Variants in FAAH2 observed in about 807,000 individuals in gnomAD.
FAAH2 encodes fatty-acid amide hydrolase 2.
A neutral mutation model predicts 36.9 loss-of-function variants in FAAH2; 60 were observed. The observed-to-expected ratio is 1.63, with a 90% CI of 1.32 to 2.02. FAAH2 has a LOEUF of 2.02. Among genes scored for constraint, FAAH2 ranks in the 30% most tolerant of loss-of-function variants. FAAH2 has a pLI of 0.00. For missense variants in FAAH2, 689 were observed against 397.5 expected, an observed-to-expected ratio of 1.73 and a Z score of -6.23; for synonymous variants, 214 against 143.8, an observed-to-expected ratio of 1.49 and a Z score of -3.49.
At chrX:57,280,213 A>C in the FAAH2 span, among the ~76,000 whole-genome samples, 167 of 111,489 alleles carry the variant, frequency 1.5e-3, no homozygotes, top group Admixed American at 2.6e-3. Context: ...ATAAAAATCT[A>C]AGCAGATCTT....
At chrX:57,289,156 C>T (rs1207650908) in intron 1 of FAAH2, among the ~76,000 whole-genome samples, 2 of 111,711 alleles carry the variant, frequency 1.8e-5, no homozygotes, top group Non-Finnish European at 3.8e-5. Flanking sequence ...AAGTTTAGAG[C>T]TTTCTAATAG....
rs1183349258 is a variant in FAAH2, at chrX:57,310,747, T to C, written c.412+18T>C. 2.8e-5 allele frequency: 33 copies of C among 1,179,682 alleles called. No homozygotes were observed. The highest frequency in any genetic ancestry group is 3.7e-5 in the Non-Finnish European group (33 of 882,329). ...GCTACAAGGTACTATTCTTTTATTT[T>C]TGGCTACATGAGTTTAATTCACAAG... is the stretch of plus-strand genomic sequence containing the variant. On this transcript the variant is annotated intron_variant, in intron 3 of 10. Coordinates refer to ENST00000374900, the MANE Select transcript of FAAH2 (RefSeq NM_174912.4).
chrX:57,142,732 G>A, the FAAH2 span, among the ~76,000 whole-genome samples: 1 of 110,987 alleles, frequency 9.0e-6, no homozygotes, highest in East Asian at 2.8e-4. Context: ...TATCGTTTTG[G>A]GATCTACCTC....
chrX:57,487,151 ACC>A (rs760410543), intron 10 of FAAH2, among the ~76,000 whole-genome samples: 271 of 111,298 alleles, frequency 2.4e-3, no homozygotes, highest in African/African-American at 8.4e-3. Flanking sequence ...TAAATAGGAG[ACC>A]TAAATGTAAA....
chrX:57,230,057 C>T, the FAAH2 span, among the ~76,000 whole-genome samples: 2 of 111,880 alleles, frequency 1.8e-5, no homozygotes, highest in Middle Eastern at 9.1e-3. Flanking sequence ...TCCCAAACTC[C>T]TATCTTTTGA....
chrX:57,287,130 G>A lies in FAAH2; in HGVS notation c.192+113G>A. 4 of 784,063 alleles carry A rather than the reference G, an allele frequency of 5.1e-6. No individual in the cohort carries two copies. The South Asian group carries it at 1.1e-4, about 21-fold the overall frequency. 64.6% of individuals were successfully genotyped at this position (784,063 alleles called of 1,213,427 possible). A position where few individuals can be genotyped will look rare whatever the true frequency, so the allele number is the denominator to read the frequency against. ...TTCCATTCTCTACTAGGGCGACTTA[G>A]GAGAGGCATTTATTGGGGATGAAGG... On this transcript the variant is annotated intron_variant, in intron 1 of 10. Transcript: ENST00000374900.
chrX:57,344,875 T>A (rs1259708370), intron 5 of FAAH2, among the ~76,000 whole-genome samples: 2 of 111,705 alleles, frequency 1.8e-5, no homozygotes, highest in Non-Finnish European at 3.8e-5. Flanking sequence ...TCTGTGTATG[T>A]GGTAAATCAC....
chrX:57,321,980 G>A (rs2053037814), intron 3 of FAAH2, among the ~76,000 whole-genome samples: 1 of 111,503 alleles, frequency 9.0e-6, no homozygotes, highest in Non-Finnish European at 1.9e-5. Flanking sequence ...ACCTGAAAAG[G>A]ATCTTATTTC....
intron 10 of FAAH2, among the ~76,000 whole-genome samples, chrX:57,485,993 T>A (rs2147291829): frequency 9.0e-6 from 1 of 111,509 alleles, no homozygotes; most frequent in East Asian, 2.8e-4. Flanking sequence ...CTGCCTATAG[T>A]TTGAGGTTGA....
rs1278838175 is a variant in FAAH2 at position 57,378,794 on chromosome X, C to A, written c.878+8C>A. On this transcript the variant is annotated splice_region_variant and intron_variant, in intron 6 of 10. Coordinates refer to ENST00000374900, the MANE Select transcript of FAAH2 (RefSeq NM_174912.4). ...AGGACCTGGGATCAAAAGGTATGTTCATTTATTTTTATTTCCTTGGACTCT... is the reference window on the plus strand; with the variant it reads ...AGGACCTGGGATCAAAAGGTATGTTAATTTATTTTTATTTCCTTGGACTCT... 3.3e-6 allele frequency: 4 copies of A among 1,196,664 alleles called. No individual in the cohort carries two copies. The highest frequency in any genetic ancestry group is 1.1e-6 in the Non-Finnish European group (1 of 887,829).
In FAAH2 at chrX:57,327,583, T is replaced by C. The variant is rs751888698; in HGVS notation, c.413-4015T>C. ...AAACTTCTCTTCTCACTTCATTTCATTCATTTGATCTTCCATCACTGGTAC... is the reference window on the plus strand; with the variant it reads ...AAACTTCTCTTCTCACTTCATTTCACTCATTTGATCTTCCATCACTGGTAC... On this transcript the variant is annotated intron_variant, in intron 3 of 10. Coordinates refer to ENST00000374900, the MANE Select transcript of FAAH2 (RefSeq NM_174912.4). 8.1e-5 allele frequency among the ~76,000 whole-genome samples: 9 copies of C among 111,520 alleles called. No individual in the cohort carries two copies. The East Asian group carries it at 2.0e-3, about 25-fold the overall frequency.
chrX:57,439,109 A>T (rs1457983900), intron 8 of FAAH2, among the ~76,000 whole-genome samples: 2 of 110,781 alleles, frequency 1.8e-5, no homozygotes, highest in African/African-American at 6.6e-5. Flanking sequence ...TCCTTTGGGT[A>T]TATACCCAGT....
chrX:57,200,464 C>T, the FAAH2 span, among the ~76,000 whole-genome samples: 10 of 108,255 alleles, frequency 9.2e-5, no homozygotes, highest in Non-Finnish European at 1.3e-4. Flanking sequence ...CTGCAATCTC[C>T]GCCACACAGG....
intron 3 of FAAH2, among the ~76,000 whole-genome samples, chrX:57,314,120 A>G (rs998941949): frequency 3.6e-5 from 4 of 111,830 alleles, no homozygotes; most frequent in Non-Finnish European, 7.5e-5. Flanking sequence ...TCTTAAACCA[A>G]CAACAATCAG....
At chrX:57,284,218 A>G (rs1009951802), upstream of FAAH2, among the ~76,000 whole-genome samples, 9 of 111,483 alleles carry the variant, frequency 8.1e-5, no homozygotes, top group Non-Finnish European at 1.5e-4. Flanking sequence ...CCCGGGAAGA[A>G]AGCCTGCAAT....
the FAAH2 span, among the ~76,000 whole-genome samples, chrX:57,174,525 C>T: frequency 9.0e-6 from 1 of 111,499 alleles, no homozygotes; most frequent in Middle Eastern, 4.7e-3. Context: ...TTTTGTTTAT[C>T]TTTTCAAAGA....
At chrX:57,452,283 TAG>T in intron 10 of FAAH2, 1 of 754,816 alleles carries the variant, frequency 1.3e-6, no homozygotes, top group Non-Finnish European at 1.6e-6. Flanking sequence ...CATCCAGCAT[TAG>T]AGTGAAACTC....
chrX:57,295,883 C>T (rs1249918701), intron 2 of FAAH2, among the ~76,000 whole-genome samples: 2 of 112,540 alleles, frequency 1.8e-5, no homozygotes, highest in Non-Finnish European at 3.8e-5. Context: ...TGAGATCAAA[C>T]TGCAAGGCAG....
the FAAH2 span, among the ~76,000 whole-genome samples, chrX:57,184,104 T>A: frequency 9.0e-6 from 1 of 110,927 alleles, no homozygotes; most frequent in Admixed American, 9.6e-5. Flanking sequence ...GTTTAAGATG[T>A]TTATCAAGAC....
Sources: allele counts gnomAD v4.1 joint callset (sites outside exome capture counted in the v4.1 genomes callset), GRCh38; gene constraint gnomAD v4.1.1; transcripts MANE v1.5; gene names NCBI Gene and HGNC (gene_info 2026-07-23, HGNC 2026-07-21).